The following NUP214 variants were observed in gnomAD, a reference collection of about 807,000 sequenced individuals.
NUP214 encodes the protein nuclear pore complex protein Nup214.
NUP214 carries 79 observed loss-of-function variants against 196.2 expected under a neutral mutation model. The ratio of observed to expected loss-of-function variants is 0.40; its 90% confidence interval spans 0.34 to 0.49. NUP214 has a LOEUF of 0.49. Among genes scored for constraint, NUP214 ranks in the 20% least tolerant of loss-of-function variants. The pLI is 0.58. For missense variants in NUP214, 2,468 were observed against 2,539.0 expected (o/e 0.97, Z 0.60); for synonymous variants, 1,020 against 990.5 (o/e 1.03, Z -0.56).
At chr9:131,127,066 A>G (rs1174848417) in intron 1 of NUP214, 1 of 153,156 alleles carries the variant, frequency 6.5e-6, no homozygotes, top group Non-Finnish European at 1.5e-5. Context: ...GATGACAGAC[A>G]AATTCATGAA....
intron 29 of NUP214, among the ~76,000 whole-genome samples, chr9:131,200,126 T>C (rs1265056878): frequency 6.6e-6 from 1 of 152,230 alleles, no homozygotes; most frequent in Non-Finnish European, 1.5e-5. Context: ...GAAGACCTCA[T>C]GCACAGGCAT....
chr9:131,225,132 A>G (rs915676297), intron 32 of NUP214, among the ~76,000 whole-genome samples: 1 of 152,066 alleles, frequency 6.6e-6, no homozygotes, highest in Non-Finnish European at 1.5e-5. Context: ...TAATTCAGAC[A>G]CTGGGTACAG....
At chr9:131,166,229 G>A (rs972314347) in intron 21 of NUP214, among the ~76,000 whole-genome samples, 1 of 152,178 alleles carries the variant, frequency 6.6e-6, no homozygotes, top group Non-Finnish European at 1.5e-5. Context: ...TATAAAGACA[G>A]CACAATATTT....
chr9:131,181,544 C>T (rs1588150520), intron 24 of NUP214, among the ~76,000 whole-genome samples: 2 of 152,152 alleles, frequency 1.3e-5, no homozygotes, highest in Admixed American at 6.5e-5. Flanking sequence ...AATGGTATCT[C>T]ACACTATCAG....
At chr9:131,165,191 G>A (rs2133561025) in intron 21 of NUP214, 1 of 152,310 alleles carries the variant, frequency 6.6e-6, no homozygotes, top group South Asian at 2.1e-4. Context: ...TCAGGTGGCT[G>A]AGGCAGGAGG....
Position 131,175,624 on chromosome 9 carries a change from A to G in NUP214, c.3319+3A>G. The G allele has an allele frequency of 1.9e-6, 3 of 1,614,108 alleles. No homozygotes were observed. The highest frequency in any genetic ancestry group is 2.5e-6 in the Non-Finnish European group (3 of 1,179,972). On this transcript the variant is annotated splice_donor_region_variant and intron_variant, in intron 23 of 35. Coordinates refer to ENST00000359428, the MANE Select transcript of NUP214 (RefSeq NM_005085.4). ...GCAGATGGCCAGTCAGGCACCAGGTAAAAGCTGTAGCCCCATACCTGTACA... is the reference window on the plus strand; with the variant it reads ...GCAGATGGCCAGTCAGGCACCAGGTGAAAGCTGTAGCCCCATACCTGTACA...
rs571929873 is a variant in NUP214 at position 131,210,351 on chromosome 9, C to T, written c.5593-4861C>T. The stretch of plus-strand genomic sequence containing the variant: ...AGCTTAAAAAAACCAATGGAAAGGC[C>T]GGGCACAGTGGCTCACGCCTGTAAT... On this transcript the variant is annotated intron_variant, in intron 30 of 35. Coordinates refer to ENST00000359428, the MANE Select transcript of NUP214 (RefSeq NM_005085.4). Among the ~76,000 whole-genome samples the T allele has an allele frequency of 9.2e-5, 14 of 152,260 alleles. No individual in the cohort carries two copies. In the South Asian group the frequency reaches 1.9e-3, roughly 20 times the overall value.
At chr9:131,137,484 T>G (rs1486783520) in intron 9 of NUP214, among the ~76,000 whole-genome samples, 1 of 152,124 alleles carries the variant, frequency 6.6e-6, no homozygotes, top group Non-Finnish European at 1.5e-5. Context: ...CAGCGTTGTT[T>G]TAATTTCTTA....
At chr9:131,219,609 C>T (rs1834500694) in intron 31 of NUP214, among the ~76,000 whole-genome samples, 2 of 152,190 alleles carry the variant, frequency 1.3e-5, no homozygotes, top group South Asian at 4.1e-4. Flanking sequence ...CCTGGGAACC[C>T]ATGGAGACAT....
chr9:131,201,851 C>G (rs973920177), intron 30 of NUP214, 134 bp downstream of exon 30: 4 of 731,458 alleles, frequency 5.5e-6, no homozygotes, highest in Non-Finnish European at 9.4e-6. Context: ...AAGCTGTACT[C>G]CCTTCAGCTG....
In NUP214 at chr9:131,144,856, A is replaced by AT. The variant is rs1186567889; in HGVS notation, c.1769+109dup. 6 of 927,502 alleles carry AT rather than the reference A, an allele frequency of 6.5e-6. No individual in the cohort carries two copies. The East Asian group carries it at 7.9e-5, about 12-fold the overall frequency. 57.5% of individuals were successfully genotyped at this position (927,502 alleles called of 1,614,324 possible). On this transcript the variant is annotated intron_variant, in intron 12 of 35. Transcript: ENST00000359428. ...CTCTGAGAGGAGTTAACTGAGTAGA[A>AT]TTTTTTTACCCAGAGTGATACTTGC... is the stretch of plus-strand genomic sequence containing the variant.
At chr9:131,140,184 C>T (rs934551014) in intron 10 of NUP214, among the ~76,000 whole-genome samples, 3 of 152,160 alleles carry the variant, frequency 2.0e-5, no homozygotes, top group African/African-American at 7.2e-5. Context: ...TCCTACTAAC[C>T]TAAGTACTTC....
intron 9 of NUP214, among the ~76,000 whole-genome samples, chr9:131,138,197 C>G (rs1831796833): frequency 1.3e-5 from 2 of 150,924 alleles, no homozygotes; most frequent in Admixed American, 1.3e-4. Context: ...CCTTTTCCTT[C>G]CTTTCCCTCC....
intron 30 of NUP214, among the ~76,000 whole-genome samples, chr9:131,213,263 C>G (rs1228718590): frequency 6.6e-6 from 1 of 151,654 alleles, no homozygotes; most frequent in African/African-American, 2.4e-5. Flanking sequence ...GCAACCTCTG[C>G]CTCCCGGGTT....
chr9:131,147,135 TAC>T (rs1235961482), intron 13 of NUP214, among the ~76,000 whole-genome samples: 1 of 151,684 alleles, frequency 6.6e-6, no homozygotes, highest in African/African-American at 2.4e-5. Context: ...TACAGGCATG[TAC>T]CACCACCGTC....
intron 30 of NUP214, among the ~76,000 whole-genome samples, chr9:131,211,509 C>A (rs1046033785): frequency 4.6e-5 from 7 of 152,308 alleles, no homozygotes; most frequent in Admixed American, 4.6e-4. Flanking sequence ...TCTGACTGCA[C>A]AGCTTCCAAG....
chr9:131,139,576 A>G (rs1831847938), intron 10 of NUP214, among the ~76,000 whole-genome samples, 169 bp downstream of exon 10: 1 of 152,222 alleles, frequency 6.6e-6, no homozygotes, highest in African/African-American at 2.4e-5. Context: ...TGACAACACT[A>G]AACTGATTTG....
At chr9:131,145,449 A>T (rs143308679) in intron 12 of NUP214, among the ~76,000 whole-genome samples, 5,109 of 152,008 alleles carry the variant, frequency 0.034, 114 homozygotes, top group African/African-American at 0.06. Context: ...CTTTTTCCCT[A>T]CTTGCCTGTA....
chr9:131,168,042 A>G (rs1271054285), intron 21 of NUP214, among the ~76,000 whole-genome samples: 2 of 152,110 alleles, frequency 1.3e-5, no homozygotes, highest in Non-Finnish European at 2.9e-5. Flanking sequence ...AGGCCAGGCC[A>G]CCATGCCCAG....
Sources: allele counts gnomAD v4.1 joint callset (sites outside exome capture counted in the v4.1 genomes callset), GRCh38; gene constraint gnomAD v4.1.1; transcripts MANE v1.5; gene names NCBI Gene and HGNC (gene_info 2026-07-23, HGNC 2026-07-21).